NOVA2: variants seen among roughly 807,000 people sequenced by gnomAD.
NOVA2 encodes NOVA alternative splicing regulator 2, also known as RNA-binding protein Nova-2.
A neutral mutation model predicts 22.5 loss-of-function variants in NOVA2; 9 were observed. The observed-to-expected ratio is 0.40, with a 90% CI of 0.24 to 0.70. The LOEUF is 0.70. Ranked by LOEUF, NOVA2 falls within the 30% of genes least tolerant of loss-of-function variation. The pLI is 0.38. For missense variants in NOVA2, 383 were observed against 682.8 expected (o/e 0.56, Z 4.89); for synonymous variants, 318 against 335.2 (o/e 0.95, Z 0.56).
chr19:45,973,829 C>T lies in NOVA2; in HGVS notation c.-478G>A, dbSNP rs1432139591. ...GCGCCACTGGGGGGACGGGACTCCC[C>T]GCTTCTTCTTGGCTCCCTGGGGCAA... is the stretch of plus-strand genomic sequence containing the variant. On this transcript the variant is annotated 5_prime_UTR_variant, in exon 1 of 4. Transcript: ENST00000263257. Among the ~76,000 whole-genome samples the T allele has an allele frequency of 6.6e-6, 1 of 150,990 alleles. No homozygotes were observed. The highest frequency in any genetic ancestry group is 2.0e-4 in the East Asian group (1 of 5,060).
At chr19:45,945,580 C>T (rs1967823955) in intron 3 of NOVA2, among the ~76,000 whole-genome samples, 2 of 152,026 alleles carry the variant, frequency 1.3e-5, no homozygotes, top group Admixed American at 6.5e-5. Flanking sequence ...GCTGGGATTA[C>T]AGGCATGAGC....
chr19:45,961,053 G>A lies in NOVA2; in HGVS notation c.186C>T (p.Thr62=), dbSNP rs752967154. 5.7e-6 allele frequency: 9 copies of A among 1,578,726 alleles called. No individual in the cohort carries two copies. The highest frequency in any genetic ancestry group is 2.3e-5 in the East Asian group (1 of 43,258). ...GQTIVQLQKE[T]GATIKLSKSK... is the part of the protein sequence containing the mutation. ...ACTTGGAGAGCTTGATGGTGGCTCCGGTCTCCTTCTGCAGCTGCACGATGG... is the reference window on the plus strand; with the variant it reads ...ACTTGGAGAGCTTGATGGTGGCTCCAGTCTCCTTCTGCAGCTGCACGATGG... The change falls in exon 2 of 4, where the codon ACC becomes ACT. Residue 62 remains threonine, a synonymous_variant. Transcript: ENST00000263257.
chr19:45,954,039 A>C (rs1380478688), intron 2 of NOVA2, 93 bp from the exon 3 acceptor site: 1 of 1,402,378 alleles, frequency 7.1e-7, no homozygotes, highest in African/African-American at 1.4e-5. Context: ...AGGCAAGCTG[A>C]GGTCCAGAGA....
At position 45,934,179 on chromosome 19, in the gene NOVA2, A is replaced by T. The variant is rs575323808; in HGVS notation, c.*5684T>A. On this transcript the variant is annotated 3_prime_UTR_variant, in exon 4 of 4. Transcript: ENST00000263257. ...CCTTAGAGGTCCTCCAGTCCTCCCC[A>T]TATTCCAAGAGGGAGAACAAGCCTG... The T allele has an allele frequency of 6.6e-6, 1 of 152,314 alleles. No homozygotes were observed. The highest frequency in any genetic ancestry group is 6.5e-5 in the Admixed American group (1 of 15,290). The allele number at this position is 152,314 out of a possible 1,614,324, so 9.4% of individuals were successfully genotyped here. A position where few individuals can be genotyped will look rare whatever the true frequency, so the allele number is the denominator to read the frequency against.
At chr19:45,969,508 A>AG (rs1335030500) in intron 1 of NOVA2, among the ~76,000 whole-genome samples, 4 of 87,494 alleles carry the variant, frequency 4.6e-5, no homozygotes, top group East Asian at 3.5e-4. Flanking sequence ...ACCCTGTCTC[A>AG]GAAAAAAAAA....
intron 3 of NOVA2, among the ~76,000 whole-genome samples, chr19:45,944,111 C>T (rs1967802096): frequency 6.6e-6 from 1 of 152,116 alleles, no homozygotes; most frequent in Non-Finnish European, 1.5e-5. Flanking sequence ...ATTCATTATT[C>T]CTTCTATTGT....
At chr19:45,941,548 C>G (rs1967758798) in intron 3 of NOVA2, among the ~76,000 whole-genome samples, 1 of 151,920 alleles carries the variant, frequency 6.6e-6, no homozygotes, top group African/African-American at 2.4e-5. Context: ...CAAAATCAGG[C>G]CCAGCATGGC....
At position 45,954,300 on chromosome 19, in the gene NOVA2, AT is replaced by A. The variant is rs746389083; in HGVS notation, c.230-355del. Among the ~76,000 whole-genome samples, 122 of 152,246 alleles carry A rather than the reference AT, an allele frequency of 8.0e-4. No individual in the cohort carries two copies. In the Middle Eastern group the frequency reaches 0.01, roughly 13 times the overall value. ...CGGTTCCCTGGTTGCTTTGGCAACC[AT>A]TCACTCACTCCGCCCCCCTCCCCTT... On this transcript the variant is annotated intron_variant, in intron 2 of 3. Transcript: ENST00000263257.
chr19:45,957,859 G>C (rs1968027628), intron 2 of NOVA2, among the ~76,000 whole-genome samples: 1 of 152,078 alleles, frequency 6.6e-6, no homozygotes, highest in South Asian at 2.1e-4. Flanking sequence ...AGCACTTTGG[G>C]AGGCCGAGGC....
chr19:45,940,977 T>C (rs747201857), intron 3 of NOVA2, 32 bp from the exon 4 acceptor site: 2 of 1,536,050 alleles, frequency 1.3e-6, no homozygotes, highest in Non-Finnish European at 1.7e-6. Context: ...GGGTCTTTAA[T>C]TTTATTTTTT....
rs888897734 is a variant in NOVA2 at position 45,938,618 on chromosome 19, C to T, written c.*1245G>A. 2.0e-5 allele frequency: 3 copies of T among 152,340 alleles called. No homozygotes were observed. The highest frequency in any genetic ancestry group is 4.4e-5 in the Non-Finnish European group (3 of 68,066). 9.4% of individuals were successfully genotyped at this position (152,340 alleles called of 1,614,324 possible). A position where few individuals can be genotyped will look rare whatever the true frequency, so the allele number is the denominator to read the frequency against. ...GTTTGCACTAGGTCCATCTCCCACC[C>T]CTCCCTCCAGGGCGAGTTCGCAGAC... On this transcript the variant is annotated 3_prime_UTR_variant, in exon 4 of 4. Transcript: ENST00000263257.
Position 45,973,277 on chromosome 19 carries a change from G to A in NOVA2, c.75C>T (p.Ser25=). 1.4e-6 allele frequency: 2 copies of A among 1,467,996 alleles called. No homozygotes were observed. The highest frequency in any genetic ancestry group is 9.0e-7 in the Non-Finnish European group (1 of 1,105,798). The allele number at this position is 1,467,996 out of a possible 1,614,324, so 90.9% of individuals were successfully genotyped here. ...GCAGCCCTTTCTCACCTCCCGTGTTGCTGCGCTTGGTGCAGACCACCTCGG... is the reference window on the plus strand; with the variant it reads ...GCAGCCCTTTCTCACCTCCCGTGTTACTGCGCTTGGTGCAGACCACCTCGG... ...TPPEVVCTKR[S]NTGEEGEYFL... The change falls in exon 1 of 4, where the codon AGC becomes AGT. Residue 25 remains serine (S), a synonymous_variant. Transcript: ENST00000263257.
chr19:45,968,881 G>A (rs537752908), intron 1 of NOVA2, among the ~76,000 whole-genome samples: 12 of 152,242 alleles, frequency 7.9e-5, no homozygotes, highest in African/African-American at 9.6e-5. Context: ...GAATGTGGCC[G>A]GGCGTGCTGG....
At chr19:45,941,996 A>G (rs1967767080) in intron 3 of NOVA2, among the ~76,000 whole-genome samples, 1 of 152,172 alleles carries the variant, frequency 6.6e-6, no homozygotes, top group Non-Finnish European at 1.5e-5. Flanking sequence ...AAAAGCCTTC[A>G]TTAAGCCTTA....
chr19:45,959,678 G>T (rs1188778717), intron 2 of NOVA2, among the ~76,000 whole-genome samples: 1 of 151,638 alleles, frequency 6.6e-6, no homozygotes, highest in Non-Finnish European at 1.5e-5. Flanking sequence ...TGGGAGGCTG[G>T]GGGCGGGGTG....
At chr19:45,942,465 A>G (rs1222420385) in intron 3 of NOVA2, among the ~76,000 whole-genome samples, 1 of 151,758 alleles carries the variant, frequency 6.6e-6, no homozygotes, top group African/African-American at 2.4e-5. Context: ...AGATATAAAT[A>G]CCTGTTGTTT....
At chr19:45,948,339 C>A (rs1347547713) in intron 3 of NOVA2, among the ~76,000 whole-genome samples, 1 of 152,088 alleles carries the variant, frequency 6.6e-6, no homozygotes, top group Non-Finnish European at 1.5e-5. Context: ...GGGGCTCATG[C>A]CTGTAATCCC....
chr19:45,956,798 G>C (rs929739654), intron 2 of NOVA2, among the ~76,000 whole-genome samples: 1 of 152,198 alleles, frequency 6.6e-6, no homozygotes, highest in East Asian at 1.9e-4. Context: ...TATGAAGTAG[G>C]CAATATTATT....
rs1397316803 is a variant in NOVA2 at position 45,935,167 on chromosome 19, C to T, written c.*4696G>A. ...GGTGGGGGAGGGGGGGTTAGGCAGT[C>T]CCCCCCCAGTTATCTCTGGGAGACA... On this transcript the variant is annotated 3_prime_UTR_variant, in exon 4 of 4. Transcript: ENST00000263257. 6.7e-6 allele frequency: 1 copy of T among 150,064 alleles called. No individual in the cohort carries two copies. The highest frequency in any genetic ancestry group is 1.5e-5 in the Non-Finnish European group (1 of 67,428). 9.3% of individuals were successfully genotyped at this position (150,064 alleles called of 1,614,324 possible).
Sources: gnomAD v4.1 joint callset for allele counts (sites outside exome capture counted in the v4.1 genomes callset) on GRCh38, gnomAD v4.1.1 for gene constraint, MANE v1.5 for transcripts, NCBI Gene and HGNC (gene_info 2026-07-23, HGNC 2026-07-21) for gene names.